Variants in LMOD2 observed in about 807,000 individuals in gnomAD.
LMOD2 encodes leiomodin 2, also known as leiomodin-2.
LMOD2 carries 27 observed loss-of-function variants against 41.7 expected under a neutral mutation model. The ratio of observed to expected loss-of-function variants is 0.65; its 90% confidence interval spans 0.48 to 0.89. The LOEUF (loss-of-function observed/expected upper bound fraction) is 0.89, where lower values mean the gene tolerates loss of function less well. LMOD2 is among the 40% of genes least tolerant of loss of function. LMOD2 has a pLI of 0.00. For missense variants in LMOD2, 624 were observed against 667.9 expected (o/e 0.93, Z 0.72); for synonymous variants, 251 against 244.6 (o/e 1.03, Z -0.25).
chr7:123,657,210 A>G (rs1802802493), intron 1 of LMOD2, among the ~76,000 whole-genome samples: 1 of 152,204 alleles, frequency 6.6e-6, no homozygotes, highest in Non-Finnish European at 1.5e-5. Flanking sequence ...CTCTGGGAAA[A>G]CAGTAATGAC....
chr7:123,657,713 T>C (rs930154974), intron 1 of LMOD2, among the ~76,000 whole-genome samples: 1 of 148,990 alleles, frequency 6.7e-6, no homozygotes, highest in Non-Finnish European at 1.5e-5. Flanking sequence ...GGCTCACGCC[T>C]ATAATTCCCA....
chr7:123,662,713 G>T lies in LMOD2; in HGVS notation c.1127G>T (p.Arg376Met). 6.2e-7 allele frequency: 1 copy of T among 1,613,986 alleles called. No individual in the cohort carries two copies. Residue 376 changes from arginine (R) to methionine (M), a missense_variant, in exon 2 of 3, where the codon AGG (arginine) becomes ATG (methionine). By Grantham distance (91) the Arg-to-Met change is moderately conservative (BLOSUM62 -1). Coordinates refer to ENST00000458573, the MANE Select transcript of LMOD2 (RefSeq NM_207163.3). The surrounding 1 kb of genome is among the most constrained non-coding windows in gnomAD (Gnocchi z 4.0). Reference protein sequence around the residue: ...QEGYDGGPNLRTKVWQRGTPS... With the variant: ...QEGYDGGPNLMTKVWQRGTPS... Reference sequence around the variant, plus strand: ...GGATACGATGGAGGACCCAATCTTAGGACCAAAGTCTGGCAAAGAGGAACA... The same window carrying T: ...GGATACGATGGAGGACCCAATCTTATGACCAAAGTCTGGCAAAGAGGAACA...
rs776949718 is a variant in LMOD2 at position 123,662,138 on chromosome 7, A to G, written c.552A>G (p.Thr184=). The G allele has an allele frequency of 5.0e-6, 8 of 1,613,496 alleles. No homozygotes were observed. The highest frequency in any genetic ancestry group is 5.1e-6 in the Non-Finnish European group (6 of 1,179,646). Residue 184 remains threonine, a synonymous_variant, in exon 2 of 3, where the codon ACA becomes ACG. Transcript: ENST00000458573. The surrounding 1 kb of genome is among the most constrained non-coding windows in gnomAD (Gnocchi z 4.0). ...NLTNGSNGRN[T]ESPAAIHPCG... Reference sequence around the variant, plus strand: ...CCAATGGCAGCAATGGGAGGAACACAGAGTCCCCAGCTGCCATTCACCCTT... The same window carrying G: ...CCAATGGCAGCAATGGGAGGAACACGGAGTCCCCAGCTGCCATTCACCCTT...
Position 123,656,107 on chromosome 7 carries a change from G to A in LMOD2, c.144G>A (p.Val48=). 6.2e-7 allele frequency: 1 copy of A among 1,611,368 alleles called. No individual in the cohort carries two copies. The highest frequency in any genetic ancestry group is 8.5e-7 in the Non-Finnish European group (1 of 1,178,764). ...TTGAACCTGACCGCAACCTTCCCGTGGGGCTAAGGCAAAAGAGCCTGACAG... is the reference window on the plus strand; with the variant it reads ...TTGAACCTGACCGCAACCTTCCCGTAGGGCTAAGGCAAAAGAGCCTGACAG... The part of the protein sequence containing the change: ...EDIEPDRNLP[V]GLRQKSLTEK... The change falls in exon 1 of 3, where the codon GTG becomes GTA. Residue 48 remains valine, a synonymous_variant. Transcript: ENST00000458573.
At chr7:123,658,239 A>G (rs879783278) in intron 1 of LMOD2, among the ~76,000 whole-genome samples, 17 of 152,078 alleles carry the variant, frequency 1.1e-4, no homozygotes, top group Non-Finnish European at 1.8e-4. Context: ...GTTCCTTTCT[A>G]GGCTATTAAC....
chr7:123,663,344 T>G, intron 2 of LMOD2, 141 bp downstream of exon 2: 3 of 1,095,712 alleles, frequency 2.7e-6, no homozygotes, highest in East Asian at 5.2e-5. Flanking sequence ...CACACCAAGT[T>G]TGAAACATTA....
chr7:123,656,014 C>A lies in LMOD2; in HGVS notation c.51C>A (p.Asp17Glu). The A allele has an allele frequency of 1.2e-6, 2 of 1,609,696 alleles. No homozygotes were observed. Among genetic ancestry groups the A allele is most frequent in the Admixed American group, 1.7e-5 (1 of 59,428 alleles). The change falls in exon 1 of 3, where the codon GAC becomes GAA. Residue 17 changes from aspartate (D) to glutamate (E), a missense_variant. Physicochemically the swap from Asp to Glu is conservative, Grantham distance 45. Transcript: ENST00000458573. The stretch of plus-strand genomic sequence containing the variant: ...GACTCAGTAAATACGAATCCATCGA[C>A]GAGGATGAACTCCTCGCCTCCCTGT... Reference protein sequence around the residue: ...RRGLSKYESIDEDELLASLSA... With the variant: ...RRGLSKYESIEEDELLASLSA...
chr7:123,661,932 G>C lies in LMOD2; in HGVS notation c.346G>C (p.Val116Leu). 1 of 1,553,690 alleles carries C rather than the reference G, an allele frequency of 6.4e-7. No homozygotes were observed. The change falls in exon 2 of 3, where the codon GTG becomes CTG. Residue 116 changes from valine (V) to leucine (L), a missense_variant. By Grantham distance (32) the Val-to-Leu change is conservative. Coordinates refer to ENST00000458573, the MANE Select transcript of LMOD2 (RefSeq NM_207163.3). Reference protein sequence around the residue: ...TESNSEVSEEVYTEEEEEESQ... With the variant: ...TESNSEVSEELYTEEEEEESQ... ...AAGTAACAGTGAGGTTTCTGAGGAA[G>C]TGTATACAGAGGAGGAGGAGGAGGA... is the stretch of plus-strand genomic sequence containing the variant.
At position 123,662,277 on chromosome 7, in the gene LMOD2, C is replaced by T. The variant is rs368348168; in HGVS notation, c.691C>T (p.Arg231Cys). ...IENITTQTLT[R>C]FAEALKDNTV... ...GAACATCACAACACAGACCCTTACC[C>T]GCTTTGCTGAAGCCCTCAAGGACAA... is the stretch of plus-strand genomic sequence containing the variant. The change falls in exon 2 of 3, where the codon CGC becomes TGC. Residue 231 changes from arginine to cysteine, a missense_variant. Arg to Cys is a radical substitution (Grantham distance 180). Transcript: ENST00000458573. The surrounding 1 kb of genome is among the most constrained non-coding windows in gnomAD (Gnocchi z 4.0). 3.9e-4 allele frequency: 628 copies of T among 1,613,876 alleles called. No individual in the cohort carries two copies. The highest frequency in any genetic ancestry group is 4.8e-4 in the Non-Finnish European group (571 of 1,179,900).
chr7:123,662,446 C>T lies in LMOD2; in HGVS notation c.860C>T (p.Ala287Val). The T allele has an allele frequency of 6.2e-7, 1 of 1,613,926 alleles. No individual in the cohort carries two copies. ...SNFITGKGIL[A>V]IMRALQHNTV... ...TTCATAACGGGAAAGGGGATCCTGGCCATCATGAGAGCTCTCCAGCACAAC... is the reference window on the plus strand; with the variant it reads ...TTCATAACGGGAAAGGGGATCCTGGTCATCATGAGAGCTCTCCAGCACAAC... Residue 287 changes from alanine to valine, a missense_variant, in exon 2 of 3, where the codon GCC becomes GTC. Physicochemically the swap from Ala to Val is moderately conservative, Grantham distance 64. Transcript: ENST00000458573. This position sits in a 1 kb window ranked among gnomAD's most constrained non-coding sequence, Gnocchi z 4.0.
chr7:123,663,197 AAAGCGGGT>A lies in LMOD2; in HGVS notation c.1615_1617+5del. On this transcript the variant is annotated splice_donor_variant and coding_sequence_variant, in exon 2 of 3. Coordinates refer to ENST00000458573, the MANE Select transcript of LMOD2 (RefSeq NM_207163.3). LOFTEE classifies it high-confidence loss of function. ...TTCGGGGAAGCAGCATAAAACAGCT[AAAGCGGGT>A]AAGTAACCAGAGAACAGACATAGGG... 6.4e-7 allele frequency: 1 copy of A among 1,563,704 alleles called. No homozygotes were observed. The highest frequency in any genetic ancestry group is 1.4e-5 in the African/African-American group (1 of 73,590).
At chr7:123,656,877 C>A (rs530605636) in intron 1 of LMOD2, among the ~76,000 whole-genome samples, 3 of 152,214 alleles carry the variant, frequency 2.0e-5, no homozygotes, top group Admixed American at 2.0e-4. Context: ...GTTTCTTTTG[C>A]GAATCAAGAA....
rs1802899943 is a variant in LMOD2, at chr7:123,662,670, G to A, written c.1084G>A (p.Glu362Lys). The change falls in exon 2 of 3, where the codon GAG (glutamate) becomes AAG (lysine). Residue 362 changes from glutamate to lysine, a missense_variant. Coordinates refer to ENST00000458573, the MANE Select transcript of LMOD2 (RefSeq NM_207163.3). This position sits in a 1 kb window ranked among gnomAD's most constrained non-coding sequence, Gnocchi z 4.0. ...TAAACAGAGGCAAAAACGTTTGCAG[G>A]AGCAAAAACAGCAGGAGGGATACGA... ...MDKQRQKRLQ[E>K]QKQQEGYDGG... 6.2e-7 allele frequency: 1 copy of A among 1,613,974 alleles called. No individual in the cohort carries two copies. Among genetic ancestry groups the A allele is most frequent in the East Asian group, 2.2e-5 (1 of 44,878 alleles).
At position 123,655,949 on chromosome 7, in the gene LMOD2, G is replaced by A; in HGVS notation, c.-15G>A. The A allele has an allele frequency of 1.3e-6, 2 of 1,593,546 alleles. No individual in the cohort carries two copies. Among genetic ancestry groups the A allele is most frequent in the Non-Finnish European group, 8.5e-7 (1 of 1,171,516 alleles). ...GGTCCTTCAAGCTCCTTCTGGGTCT[G>A]ACAAAGCAGGGACCATGTCTACCTT... is the stretch of plus-strand genomic sequence containing the variant. On this transcript the variant is annotated 5_prime_UTR_variant, in exon 1 of 3. The change abolishes the stop of an existing upstream ORF in the 5' untranslated region. Transcript: ENST00000458573.
chr7:123,663,884 G>A lies in LMOD2; in HGVS notation c.*139G>A. On this transcript the variant is annotated 3_prime_UTR_variant, in exon 3 of 3. Transcript: ENST00000458573. ...TAATCTCACCCATTAATTCCAAAGA[G>A]AATCTTAAGAAACAATCAGCATGTT... 1 of 664,226 alleles carries A rather than the reference G, an allele frequency of 1.5e-6. No homozygotes were observed. The highest frequency in any genetic ancestry group is 2.2e-5 in the South Asian group (1 of 45,422). The allele number at this position is 664,226 out of a possible 1,614,324, so 41.1% of individuals were successfully genotyped here.
At chr7:123,658,559 T>C (rs561152409) in intron 1 of LMOD2, among the ~76,000 whole-genome samples, 6 of 152,204 alleles carry the variant, frequency 3.9e-5, no homozygotes, top group South Asian at 2.1e-4. Flanking sequence ...TTATGCCGCA[T>C]TGGGGCTCCC....
Position 123,662,530 on chromosome 7 carries a change from A to G in LMOD2, c.944A>G (p.Glu315Gly), listed in dbSNP as rs1291177946. 3 of 1,613,746 alleles carry G rather than the reference A, an allele frequency of 1.9e-6. No individual in the cohort carries two copies. The highest frequency in any genetic ancestry group is 2.5e-6 in the Non-Finnish European group (3 of 1,179,846). Residue 315 changes from glutamate to glycine, a missense_variant, in exon 2 of 3, where the codon GAA (glutamate) becomes GGA (glycine). Transcript: ENST00000458573. This position sits in a 1 kb window ranked among gnomAD's most constrained non-coding sequence, Gnocchi z 4.0. Reference sequence around the variant, plus strand: ...AGGCACATCATGGGCAGCCAGGTGGAAATGGAGATTGTCAAGCTGCTGAAG... The same window carrying G: ...AGGCACATCATGGGCAGCCAGGTGGGAATGGAGATTGTCAAGCTGCTGAAG... ...NQRHIMGSQVEMEIVKLLKEN... is the reference protein window; with the variant it reads ...NQRHIMGSQVGMEIVKLLKEN...
chr7:123,657,028 G>A (rs34720761), intron 1 of LMOD2, among the ~76,000 whole-genome samples: 2,388 of 152,296 alleles, frequency 0.016, 23 homozygotes, highest in South Asian at 0.024. Context: ...CAGCACAGCT[G>A]TATAGATGAT....
Position 123,662,812 on chromosome 7 carries a change from C to G in LMOD2, c.1226C>G (p.Thr409Ser), listed in dbSNP as rs897482824. 6.2e-7 allele frequency: 1 copy of G among 1,613,576 alleles called. No homozygotes were observed. ...SSPKLPKKVQTVRSRPLSPVA... is the reference protein window; with the variant it reads ...SSPKLPKKVQSVRSRPLSPVA... ...CCAAAACTCCCCAAAAAAGTCCAGA[C>G]TGTGAGGAGCCGTCCTCTGTCTCCT... is the stretch of plus-strand genomic sequence containing the variant. The change falls in exon 2 of 3, where the codon ACT becomes AGT. Residue 409 changes from threonine to serine, a missense_variant. Physicochemically the swap from Thr to Ser is moderately conservative, Grantham distance 58. Coordinates refer to ENST00000458573, the MANE Select transcript of LMOD2 (RefSeq NM_207163.3). The surrounding 1 kb of genome is among the most constrained non-coding windows in gnomAD (Gnocchi z 4.0).
Sources: gnomAD v4.1 joint callset for allele counts (sites outside exome capture counted in the v4.1 genomes callset) on GRCh38, gnomAD v4.1.1 for gene constraint, Gnocchi (gnomAD v3.1) non-coding constraint, MANE v1.5 for transcripts, NCBI Gene and HGNC (gene_info 2026-07-23, HGNC 2026-07-21) for gene names.